The following CCDC60 variants were observed in gnomAD, a reference collection of about 807,000 sequenced individuals.
The protein encoded by CCDC60 is coiled-coil domain-containing protein 60.
In CCDC60, 54 loss-of-function variants were observed where a neutral mutation model predicts 63.5. The observed-to-expected ratio is 0.85, with a 90% confidence interval of 0.68 to 1.07. The LOEUF is 1.07. CCDC60 is among the 50% of genes least tolerant of loss of function. The probability of loss-of-function intolerance (pLI) is 0.00; values close to 1 mark genes in which losing one functional copy is unlikely to be tolerated. For synonymous variants in CCDC60, 206 were observed against 238.8 expected (o/e 0.86, Z 1.27); for missense variants, 651 against 684.3 (o/e 0.95, Z 0.54).
rs149675217 is a variant in CCDC60, at chr12:119,357,698, C to G, written c.90+22432C>G. Among the ~76,000 whole-genome samples, 92 of 152,302 alleles carry G rather than the reference C, an allele frequency of 6.0e-4. No individual in the cohort carries two copies. The East Asian group carries it at 0.016, about 27-fold the overall frequency. ...CAAACTCCCGACCTCAGGTGATCCA[C>G]CCACTTCGGCCTCCCAAAGTGCTGG... On this transcript the variant is annotated intron_variant, in intron 1 of 13. Transcript: ENST00000327554.
chr12:119,373,906 A>T (rs1955925167), intron 1 of CCDC60, among the ~76,000 whole-genome samples: 1 of 152,202 alleles, frequency 6.6e-6, no homozygotes, highest in African/African-American at 2.4e-5. Flanking sequence ...CTGGAATTTC[A>T]AATGAACTTG....
intron 1 of CCDC60, among the ~76,000 whole-genome samples, chr12:119,373,523 C>A (rs1029725921): frequency 6.6e-6 from 1 of 152,138 alleles, no homozygotes; most frequent in African/African-American, 2.4e-5. Flanking sequence ...GAGTGTAGGA[C>A]CATGTCTGTC....
At chr12:119,358,365 CTTT>C (rs1268128519) in intron 1 of CCDC60, among the ~76,000 whole-genome samples, 3 of 152,196 alleles carry the variant, frequency 2.0e-5, no homozygotes, top group Non-Finnish European at 4.4e-5. Flanking sequence ...GAGTTTTGTC[CTTT>C]CTCACCCCTC....
At chr12:119,503,031 G>GC (rs1224282702) in intron 6 of CCDC60, among the ~76,000 whole-genome samples, 24 of 152,136 alleles carry the variant, frequency 1.6e-4, no homozygotes, top group African/African-American at 5.5e-4. Context: ...CAACAAATTG[G>GC]CCAGGCATGG....
At chr12:119,407,348 AAAAAG>A (rs368533217) in intron 1 of CCDC60, among the ~76,000 whole-genome samples, 2,065 of 152,070 alleles carry the variant, frequency 0.014, 49 homozygotes, top group African/African-American at 0.041. Context: ...CTCTACAAAA[AAAAAG>A]AAAAGAAAAG....
chr12:119,511,501 A>G (rs944109478), intron 7 of CCDC60, among the ~76,000 whole-genome samples: 7 of 152,140 alleles, frequency 4.6e-5, no homozygotes, highest in African/African-American at 1.7e-4. Context: ...TCACTTAAAT[A>G]ATAACTCAAA....
At chr12:119,366,765 T>C (rs990665565) in intron 1 of CCDC60, among the ~76,000 whole-genome samples, 1 of 152,184 alleles carries the variant, frequency 6.6e-6, no homozygotes, top group Admixed American at 6.5e-5. Flanking sequence ...CCACCCCATG[T>C]ACCCGTGGGA....
intron 1 of CCDC60, among the ~76,000 whole-genome samples, chr12:119,397,652 G>A (rs887444031): frequency 6.9e-5 from 10 of 145,850 alleles, no homozygotes; most frequent in African/African-American, 1.8e-4. Context: ...AGCTGGCTTC[G>A]CCTGGTGGAT....
intron 6 of CCDC60, among the ~76,000 whole-genome samples, chr12:119,502,427 C>T (rs948767594): frequency 2.0e-5 from 3 of 152,138 alleles, no homozygotes; most frequent in African/African-American, 4.8e-5. Context: ...TGGAACATAG[C>T]AACTGGTTAA....
Position 119,391,693 on chromosome 12 carries a change from C to G in CCDC60, c.91-36990C>G, listed in dbSNP as rs920706525. Among the ~76,000 whole-genome samples the G allele has an allele frequency of 3.3e-5, 5 of 152,366 alleles. No homozygotes were observed. In the South Asian group the frequency reaches 8.3e-4, roughly 25 times the overall value. ...TAGCAAATGAGAGCTATCGTTAGCG[C>G]TGTTATTACTGTTGTTGTTGGTACT... is the stretch of plus-strand genomic sequence containing the variant. On this transcript the variant is annotated intron_variant, in intron 1 of 13. Transcript: ENST00000327554.
intron 1 of CCDC60, among the ~76,000 whole-genome samples, chr12:119,378,065 C>T (rs1212345101): frequency 6.6e-6 from 1 of 152,172 alleles, no homozygotes; most frequent in African/African-American, 2.4e-5. Context: ...CTTGAGGAGG[C>T]GGTGTCTGAT....
intron 1 of CCDC60, among the ~76,000 whole-genome samples, chr12:119,411,380 A>G (rs35447340): frequency 0.019 from 2,925 of 152,148 alleles, 42 homozygotes; most frequent in Middle Eastern, 0.034. Flanking sequence ...GCGAAATTCT[A>G]GTTTCTGTGA....
intron 1 of CCDC60, among the ~76,000 whole-genome samples, chr12:119,344,557 T>C (rs1328788149): frequency 6.6e-6 from 1 of 152,186 alleles, no homozygotes; most frequent in Non-Finnish European, 1.5e-5. Flanking sequence ...ATTGGCCCCA[T>C]TACTGTACTT....
intron 5 of CCDC60, among the ~76,000 whole-genome samples, chr12:119,490,099 C>T (rs1401349722): frequency 6.6e-6 from 1 of 152,098 alleles, no homozygotes; most frequent in East Asian, 1.9e-4. Flanking sequence ...CCCGGCCAAA[C>T]GTTAAGTCTT....
chr12:119,414,233 G>A (rs189182381), intron 1 of CCDC60, among the ~76,000 whole-genome samples: 7 of 152,130 alleles, frequency 4.6e-5, no homozygotes, highest in Admixed American at 1.3e-4. Flanking sequence ...TGGCCAAGCC[G>A]GTCTCTAACT....
intron 1 of CCDC60, among the ~76,000 whole-genome samples, chr12:119,339,863 T>C (rs10849646): frequency 0.41 from 62,741 of 151,694 alleles, 13,833 homozygotes; most frequent in East Asian, 0.61. Flanking sequence ...GTGCTCCAGC[T>C]GGGGTGTCAG....
intron 8 of CCDC60, among the ~76,000 whole-genome samples, chr12:119,519,902 C>T (rs1005524301): frequency 1.3e-5 from 2 of 151,506 alleles, no homozygotes; most frequent in African/African-American, 4.9e-5. Flanking sequence ...GATCTAAATG[C>T]AGCTTCTGGG....
intron 2 of CCDC60, among the ~76,000 whole-genome samples, chr12:119,460,987 T>C (rs1289528637): frequency 6.6e-6 from 1 of 152,152 alleles, no homozygotes; most frequent in East Asian, 1.9e-4. Flanking sequence ...CTTAAAGCTT[T>C]CTACTGAACA....
At chr12:119,523,092 G>A in intron 10 of CCDC60, 91 bp downstream of exon 10, 1 of 1,163,410 alleles carries the variant, frequency 8.6e-7, no homozygotes. Context: ...ATGACCCAAT[G>A]CAGACCAGAC....
Sources: gnomAD v4.1 joint callset for allele counts (sites outside exome capture counted in the v4.1 genomes callset) on GRCh38, gnomAD v4.1.1 for gene constraint, MANE v1.5 for transcripts, NCBI Gene and HGNC (gene_info 2026-07-23, HGNC 2026-07-21) for gene names.